Variants in PUDP observed in about 807,000 individuals in gnomAD.
PUDP encodes pseudouridine 5'-phosphatase.
PUDP carries 8 observed loss-of-function variants against 9.4 expected under a neutral mutation model. The observed-to-expected ratio is 0.85, with a 90% confidence interval of 0.50 to 1.53. The LOEUF (loss-of-function observed/expected upper bound fraction) is 1.53. PUDP is among the 40% of genes most tolerant of loss of function. PUDP has a pLI of 0.00. For synonymous variants in PUDP, 99 were observed against 80.7 expected (o/e 1.23, Z -1.22); for missense variants, 188 against 189.7 (o/e 0.99, Z 0.05).
At chrX:6,804,156 C>G (rs1411380722) in intron 3 of PUDP, among the ~76,000 whole-genome samples, 1 of 111,353 alleles carries the variant, frequency 9.0e-6, no homozygotes, top group African/African-American at 3.3e-5. Context: ...GAGAGAAATG[C>G]ACACACGCAG....
chrX:7,064,288 A>G (rs1330296950), intron 3 of PUDP, among the ~76,000 whole-genome samples: 1 of 111,413 alleles, frequency 9.0e-6, no homozygotes, highest in Admixed American at 9.6e-5. Context: ...ACTATCAAAG[A>G]TAGGCAAGCT....
At position 6,923,780 on chromosome X, in the gene PUDP, A is replaced by G. The variant is rs1316081289; in HGVS notation, c.*247+53353T>C. On this transcript the variant is annotated intron_variant and NMD_transcript_variant, in intron 3 of 3. Coordinates refer to the PUDP transcript ENST00000655425. ...TTAAAGACACATCGTGAACCATCTC[A>G]GCTCACACCTTCTAGTGGCTCCACG... Among the ~76,000 whole-genome samples, 5 of 111,227 alleles carry G rather than the reference A, an allele frequency of 4.5e-5. 1 individual carries two copies. The highest frequency in any genetic ancestry group is 9.4e-5 in the Non-Finnish European group (5 of 53,063).
chrX:7,044,315 T>C (rs1303605068), downstream of PUDP, among the ~76,000 whole-genome samples: 2 of 112,048 alleles, frequency 1.8e-5, no homozygotes, highest in Non-Finnish European at 3.8e-5. Context: ...CAGGAATGTG[T>C]TTGGTGTGCT....
intron 3 of PUDP, among the ~76,000 whole-genome samples, chrX:6,900,759 A>AT (rs938700080): frequency 2.8e-5 from 3 of 106,826 alleles, no homozygotes; most frequent in Admixed American, 1.0e-4. Context: ...CAGATGACCA[A>AT]TTTTTTTTGT....
At chrX:7,073,442 G>C (rs1930805616) in intron 3 of PUDP, among the ~76,000 whole-genome samples, 1 of 112,028 alleles carries the variant, frequency 8.9e-6, no homozygotes, top group African/African-American at 3.2e-5. Context: ...AATTCCCTAA[G>C]GCAATTCCCT....
At chrX:6,878,103 C>T (rs2146737856) in intron 3 of PUDP, among the ~76,000 whole-genome samples, 1 of 112,327 alleles carries the variant, frequency 8.9e-6, no homozygotes, top group South Asian at 3.7e-4. Context: ...TATTGGAGAA[C>T]CTCCTCCACA....
chrX:6,754,718 G>T (rs1276435475), intron 3 of PUDP, among the ~76,000 whole-genome samples: 1 of 109,593 alleles, frequency 9.1e-6, no homozygotes, highest in African/African-American at 3.3e-5. Flanking sequence ...ATATATAGTG[G>T]ATCCTCATCA....
Position 6,798,406 on chromosome X carries a change from C to T in PUDP, c.*248-91940G>A, listed in dbSNP as rs187899752. Among the ~76,000 whole-genome samples, 80 of 111,971 alleles carry T rather than the reference C, an allele frequency of 7.1e-4. 1 individual carries two copies. The highest frequency in any genetic ancestry group is 7.9e-4 in the Non-Finnish European group (42 of 53,196). On this transcript the variant is annotated intron_variant and NMD_transcript_variant, in intron 3 of 3. Coordinates refer to the PUDP transcript ENST00000655425. ...TCAAGGTGAGATTTGGGTGGGGACA[C>T]AGCCAAACCATATCATGTTACAATG...
chrX:6,919,061 G>T (rs1219679712), intron 3 of PUDP, among the ~76,000 whole-genome samples: 1 of 111,740 alleles, frequency 8.9e-6, no homozygotes, highest in Non-Finnish European at 1.9e-5. Context: ...ATCTACAAGA[G>T]GAGGCTCATA....
At chrX:6,777,641 G>A (rs1421585478) in intron 3 of PUDP, among the ~76,000 whole-genome samples, 1 of 111,887 alleles carries the variant, frequency 8.9e-6, no homozygotes. Context: ...GCCATGTGCC[G>A]ATTCCATTGC....
chrX:6,742,625 C>T (rs1057268212), intron 3 of PUDP, among the ~76,000 whole-genome samples: 2 of 111,461 alleles, frequency 1.8e-5, no homozygotes, highest in Admixed American at 9.5e-5. Flanking sequence ...AAAAATTAGC[C>T]GGGCAGTTGT....
chrX:6,969,095 C>T (rs183510741), intron 3 of PUDP, among the ~76,000 whole-genome samples: 19 of 112,508 alleles, frequency 1.7e-4, no homozygotes, highest in Admixed American at 7.5e-4. Context: ...AGACAGGGGG[C>T]CAAGCCTCTC....
chrX:6,914,453 G>A (rs189966850), intron 3 of PUDP, among the ~76,000 whole-genome samples: 23 of 111,672 alleles, frequency 2.1e-4, no homozygotes, highest in Admixed American at 1.4e-3. Context: ...TGAAGAACTT[G>A]GTATTTTGAC....
rs988725545 is a variant in PUDP at position 6,720,139 on chromosome X, T to C, written n.128+1278A>G. Among the ~76,000 whole-genome samples, 18 of 103,934 alleles carry C rather than the reference T, an allele frequency of 1.7e-4. 2 individuals are homozygous for C. Among genetic ancestry groups the C allele is most frequent in the Admixed American group, 1.7e-3 (16 of 9,352 alleles). The allele number at this position is 103,934 out of a possible 115,157, so 90.3% of individuals were successfully genotyped here. A position where few individuals can be genotyped will look rare whatever the true frequency, so the allele number is the denominator to read the frequency against. ...ATTTATTCATATATATATATACGTGTGTATATATATGTGTGTATATATATG... is the reference window on the plus strand; with the variant it reads ...ATTTATTCATATATATATATACGTGCGTATATATATGTGTGTATATATATG... On this transcript the variant is annotated intron_variant and non_coding_transcript_variant, in intron 1 of 2. Transcript: ENST00000438499.
intron 2 of PUDP, among the ~76,000 whole-genome samples, chrX:7,088,664 T>C (rs1931335729): frequency 8.9e-6 from 1 of 112,345 alleles, no homozygotes. Flanking sequence ...ATGGGATACA[T>C]GTGAGTGTCC....
At chrX:6,721,098 A>T (rs1264573649) in intron 1 of PUDP, among the ~76,000 whole-genome samples, 3 of 112,052 alleles carry the variant, frequency 2.7e-5, no homozygotes, top group African/African-American at 9.7e-5. Flanking sequence ...AAAGATGCAA[A>T]TATCCCATAT....
At chrX:7,111,279 A>T (rs1214772032) in intron 1 of PUDP, among the ~76,000 whole-genome samples, 1 of 111,013 alleles carries the variant, frequency 9.0e-6, no homozygotes, top group Non-Finnish European at 1.9e-5. Context: ...GTGTGAGAAC[A>T]GAGTAACATT....
chrX:7,081,404 C>T (rs865906302), intron 2 of PUDP, among the ~76,000 whole-genome samples: 4 of 112,173 alleles, frequency 3.6e-5, no homozygotes, highest in Non-Finnish European at 5.6e-5. Flanking sequence ...CCTCTTGCCT[C>T]GGCCTCTCAA....
At chrX:7,005,308 A>G (rs189325704) in intron 1 of PUDP, among the ~76,000 whole-genome samples, 1,174 of 111,636 alleles carry the variant, frequency 0.011, 6 homozygotes, top group Non-Finnish European at 0.015. Flanking sequence ...AGCAGGAAGA[A>G]TGAAAGTGAG....
Sources: allele counts gnomAD v4.1 joint callset (sites outside exome capture counted in the v4.1 genomes callset), GRCh38; gene constraint gnomAD v4.1.1; transcripts MANE v1.5; gene names NCBI Gene and HGNC (gene_info 2026-07-23, HGNC 2026-07-21).